The following APBA2 variants were observed in gnomAD, a reference collection of about 807,000 sequenced individuals.
APBA2 encodes the protein amyloid-beta A4 precursor protein-binding family A member 2.
Under a neutral mutation model 75.0 loss-of-function variants are expected in APBA2, and 30 were observed. That is an observed-to-expected ratio of 0.40 (90% CI 0.30 to 0.54). The LOEUF is 0.54. APBA2 is among the 20% of genes least tolerant of loss of function. APBA2 has a pLI of 0.49. For synonymous variants in APBA2, 444 were observed against 409.6 expected, an observed-to-expected ratio of 1.08 and a Z score of -1.01; for missense variants, 801 against 1,016.1, an observed-to-expected ratio of 0.79 and a Z score of 2.88.
At chr15:29,033,890 A>G (rs897558423) in intron 3 of APBA2, among the ~76,000 whole-genome samples, 1 of 143,708 alleles carries the variant, frequency 7.0e-6, no homozygotes, top group Non-Finnish European at 1.5e-5. Flanking sequence ...GCGTTAACCC[A>G]GGAGGTGGAG....
In APBA2 at chr15:28,998,026, C is replaced by G. The variant is rs1040444575; in HGVS notation, c.-41+2220C>G. 5.9e-5 allele frequency among the ~76,000 whole-genome samples: 9 copies of G among 152,118 alleles called. No homozygotes were observed. In the East Asian group the frequency reaches 1.7e-3, roughly 29 times the overall value. On this transcript the variant is annotated intron_variant, in intron 3 of 14. Transcript: ENST00000683413. Reference sequence around the variant, plus strand: ...CCAGAATGAGTCTCTGTGAGGAGATCTGTAAAGAGAAGAAAGGGCCGGGGT... The same window carrying G: ...CCAGAATGAGTCTCTGTGAGGAGATGTGTAAAGAGAAGAAAGGGCCGGGGT...
At chr15:29,115,004 G>A in intron 14 of APBA2, among the ~76,000 whole-genome samples, 1 of 151,744 alleles carries the variant, frequency 6.6e-6, no homozygotes. Context: ...GAGTGGGTGT[G>A]TCTGTGTGTG....
intron 1 of APBA2, among the ~76,000 whole-genome samples, chr15:28,901,168 T>G (rs2032827911): frequency 6.6e-6 from 1 of 152,194 alleles, no homozygotes; most frequent in African/African-American, 2.4e-5. Flanking sequence ...TCTTCAGCCA[T>G]ACTGCAGGCA....
intron 2 of APBA2, among the ~76,000 whole-genome samples, chr15:28,959,485 C>T (rs551116595): frequency 9.2e-5 from 14 of 152,292 alleles, no homozygotes; most frequent in African/African-American, 1.4e-4. Context: ...CAGGCACAGA[C>T]GGATGGCCGT....
intron 2 of APBA2, among the ~76,000 whole-genome samples, chr15:28,928,379 T>TA (rs1595478577): frequency 6.6e-6 from 1 of 152,120 alleles, no homozygotes; most frequent in Non-Finnish European, 1.5e-5. Flanking sequence ...TGGGCTTCCC[T>TA]AAATTCCCTT....
At chr15:28,913,092 TAC>T (rs1308827257) in intron 1 of APBA2, among the ~76,000 whole-genome samples, 2 of 152,256 alleles carry the variant, frequency 1.3e-5, no homozygotes, top group African/African-American at 4.8e-5. Context: ...GTGTCTGCAC[TAC>T]AGTTTGTGTC....
intron 9 of APBA2, 74 bp from the exon 10 acceptor site, chr15:29,101,525 C>T: frequency 2.0e-6 from 3 of 1,521,646 alleles, no homozygotes; most frequent in Admixed American, 1.9e-5. Context: ...AGCCACCATG[C>T]CCAGCCCTGG....
intron 3 of APBA2, among the ~76,000 whole-genome samples, chr15:29,011,442 A>T (rs1174946451): frequency 6.7e-6 from 1 of 150,020 alleles, no homozygotes; most frequent in Non-Finnish European, 1.5e-5. Context: ...TTTTCTGGTT[A>T]TATTTTTGTT....
chr15:29,010,081 A>C (rs146321240), intron 3 of APBA2, among the ~76,000 whole-genome samples: 1 of 152,178 alleles, frequency 6.6e-6, no homozygotes, highest in Non-Finnish European at 1.5e-5. Context: ...TAGTCATTTT[A>C]ATTTGATTTT....
chr15:28,970,773 A>T (rs939288076), intron 2 of APBA2, among the ~76,000 whole-genome samples: 2 of 151,910 alleles, frequency 1.3e-5, no homozygotes, highest in African/African-American at 2.4e-5. Flanking sequence ...TAAAAAAAAA[A>T]AATAAAAGCA....
intron 2 of APBA2, among the ~76,000 whole-genome samples, chr15:28,941,068 G>A (rs745400174): frequency 3.3e-5 from 5 of 152,146 alleles, no homozygotes; most frequent in African/African-American, 4.8e-5. Context: ...AACCTAATCC[G>A]TCACCTTTGG....
At chr15:29,049,716 T>C (rs1207002632) in intron 3 of APBA2, among the ~76,000 whole-genome samples, 4 of 152,180 alleles carry the variant, frequency 2.6e-5, no homozygotes, top group Admixed American at 6.5e-5. Context: ...CTGAAAGACA[T>C]GCACTGGTGT....
intron 6 of APBA2, among the ~76,000 whole-genome samples, 177 bp from the exon 7 acceptor site, chr15:29,092,898 G>A (rs2043647009): frequency 6.6e-6 from 1 of 152,198 alleles, no homozygotes; most frequent in Non-Finnish European, 1.5e-5. Context: ...TTGCAGCACG[G>A]GGTAGTGAGG....
chr15:28,996,444 T>G (rs2038527025), intron 3 of APBA2, among the ~76,000 whole-genome samples: 1 of 152,166 alleles, frequency 6.6e-6, no homozygotes, highest in African/African-American at 2.4e-5. Context: ...AGCATCTGGC[T>G]TGCCCTTGCC....
chr15:28,981,377 G>A (rs913175048), intron 2 of APBA2, among the ~76,000 whole-genome samples: 1 of 152,010 alleles, frequency 6.6e-6, no homozygotes, highest in African/African-American at 2.4e-5. Context: ...AAAGAAAACA[G>A]GTAAGAAGCC....
intron 2 of APBA2, among the ~76,000 whole-genome samples, chr15:28,986,919 G>T (rs8036640): frequency 6.6e-6 from 1 of 152,162 alleles, no homozygotes; most frequent in Non-Finnish European, 1.5e-5. Flanking sequence ...AGATCAAGGC[G>T]CCAACAGATT....
chr15:28,895,392 A>C (rs1595399118), intron 1 of APBA2: 1 of 152,536 alleles, frequency 6.6e-6, no homozygotes, highest in South Asian at 2.1e-4. Flanking sequence ...CGGGAGCAGC[A>C]GTGCCGCAGG....
chr15:28,892,929 C>T (rs1427918197), intron 1 of APBA2, among the ~76,000 whole-genome samples: 1 of 152,234 alleles, frequency 6.6e-6, no homozygotes, highest in Non-Finnish European at 1.5e-5. Flanking sequence ...TGATGGATTT[C>T]TCAGGTCTCT....
chr15:28,903,649 G>A (rs1226281493), intron 1 of APBA2, among the ~76,000 whole-genome samples: 3 of 152,202 alleles, frequency 2.0e-5, no homozygotes, highest in Non-Finnish European at 4.4e-5. Flanking sequence ...CGGTTTAGTG[G>A]AGAGTCAGAG....
Sources: gnomAD v4.1 joint callset for allele counts (sites outside exome capture counted in the v4.1 genomes callset) on GRCh38, gnomAD v4.1.1 for gene constraint, MANE v1.5 for transcripts, NCBI Gene and HGNC (gene_info 2026-07-23, HGNC 2026-07-21) for gene names.